Variants in USP34 observed in about 807,000 individuals in gnomAD.
The protein encoded by USP34 is ubiquitin specific peptidase 34, also known as ubiquitin carboxyl-terminal hydrolase 34.
In USP34, 70 loss-of-function variants were observed where a neutral mutation model predicts 460.3. The observed-to-expected ratio is 0.15, with a 90% CI of 0.13 to 0.19. The LOEUF (loss-of-function observed/expected upper bound fraction) is 0.19, where lower values mean the gene tolerates loss of function less well. USP34 is among the 10% of genes least tolerant of loss of function. USP34 has a pLI of 1.00. For synonymous variants in USP34, 1,647 were observed against 1,405.3 expected (o/e 1.17, Z -3.85); for missense variants, 3,985 against 4,236.2 (o/e 0.94, Z 1.65).
intron 48 of USP34, among the ~76,000 whole-genome samples, chr2:61,251,331 A>G (rs1572872343): frequency 6.6e-6 from 1 of 152,192 alleles, no homozygotes; most frequent in African/African-American, 2.4e-5. Context: ...AATAACACTG[A>G]TATTAAAATC....
intron 21 of USP34, among the ~76,000 whole-genome samples, 196 bp from the exon 22 acceptor site, chr2:61,319,523 C>G (rs1260180732): frequency 7.1e-6 from 1 of 141,056 alleles, no homozygotes; most frequent in Non-Finnish European, 1.5e-5. Flanking sequence ...TATGTTCCTA[C>G]AGCATATTTA....
chr2:61,459,208 T>G (rs750561714), intron 1 of USP34, among the ~76,000 whole-genome samples: 7 of 152,118 alleles, frequency 4.6e-5, no homozygotes, highest in Non-Finnish European at 8.8e-5. Context: ...TAAAAAAAGA[T>G]AGCTTGGTTA....
chr2:61,467,996 C>A (rs528898659), intron 1 of USP34, among the ~76,000 whole-genome samples: 1 of 151,946 alleles, frequency 6.6e-6, no homozygotes, highest in Non-Finnish European at 1.5e-5. Flanking sequence ...GGGAAAAGGG[C>A]AGACTTTATA....
intron 2 of USP34, among the ~76,000 whole-genome samples, chr2:61,411,482 A>G (rs563244791): frequency 3.3e-5 from 5 of 152,306 alleles, no homozygotes; most frequent in African/African-American, 4.8e-5. Context: ...TAACCCAACC[A>G]CCAGACTAAC....
At chr2:61,241,474 G>T in intron 53 of USP34, 86 bp downstream of exon 53, 2 of 935,960 alleles carry the variant, frequency 2.1e-6, no homozygotes, top group Non-Finnish European at 3.2e-6. Flanking sequence ...ATATCAACCT[G>T]TAGAACCTGT....
chr2:61,363,123 C>T (rs539079615), intron 10 of USP34, among the ~76,000 whole-genome samples: 16 of 152,250 alleles, frequency 1.1e-4, no homozygotes, highest in African/African-American at 3.6e-4. Flanking sequence ...TATAATTAAT[C>T]ACCAGGAAAA....
chr2:61,409,461 C>A (rs1191947404), intron 2 of USP34, among the ~76,000 whole-genome samples: 1 of 152,082 alleles, frequency 6.6e-6, no homozygotes, highest in Non-Finnish European at 1.5e-5. Flanking sequence ...TGTCTGTAAC[C>A]CCAGCACTTT....
Position 61,295,022 on chromosome 2 carries a change from C to T in USP34, c.4388G>A (p.Ser1463Asn). The T allele has an allele frequency of 6.2e-7, 1 of 1,610,968 alleles. No individual in the cohort carries two copies. ...ATCATCTGAATCTGGATAAAGATCA[C>T]TGTAACTTCCCTATGAGAAAGGCAA... ...RIRRESTGSY[S>N]DLYPDSDDSS... is the part of the protein sequence containing the mutation. The change falls in exon 32 of 80, where the codon AGT (serine) becomes AAT (asparagine). Residue 1463 changes from serine to asparagine, a missense_variant. By Grantham distance (46) the Ser-to-Asn change is conservative. Transcript: ENST00000398571.
chr2:61,246,985 T>A (rs1439936208), intron 49 of USP34, among the ~76,000 whole-genome samples: 2 of 151,912 alleles, frequency 1.3e-5, no homozygotes, highest in African/African-American at 4.8e-5. Flanking sequence ...GGTTTCCTTT[T>A]AAAAAAAAGG....
intron 3 of USP34, among the ~76,000 whole-genome samples, chr2:61,399,485 T>C (rs1693644456): frequency 6.6e-6 from 1 of 152,032 alleles, no homozygotes; most frequent in Non-Finnish European, 1.5e-5. Context: ...TAAAATGTTA[T>C]AATCTCATTT....
In USP34 at chr2:61,348,342, G is replaced by C; in HGVS notation, c.1813C>G (p.Pro605Ala). ...TCTTCTGACTGTACCTCACTGCCAG[G>C]GCTCCCAGCTGACTGGCTTGCGTGG... ...SSHASQSAGS[P>A]GSEVQSEDIA... Residue 605 changes from proline to alanine, a missense_variant, in exon 15 of 80, where the codon CCT becomes GCT. Around this residue, in one of 14 missense-constraint regions of USP34, gnomAD observed 716 missense variants for 626.2 expected, o/e 1.14. Coordinates refer to ENST00000398571, the MANE Select transcript of USP34 (RefSeq NM_014709.4). 1 of 1,614,014 alleles carries C rather than the reference G, an allele frequency of 6.2e-7. No individual in the cohort carries two copies. The highest frequency in any genetic ancestry group is 8.5e-7 in the Non-Finnish European group (1 of 1,180,024).
intron 1 of USP34, among the ~76,000 whole-genome samples, chr2:61,468,487 A>G (rs1242503722): frequency 6.6e-6 from 1 of 152,178 alleles, no homozygotes; most frequent in Non-Finnish European, 1.5e-5. Flanking sequence ...CTGGCCGTAA[A>G]TTTTTTTAAA....
intron 30 of USP34, 78 bp from the exon 31 acceptor site, chr2:61,295,368 C>A: frequency 6.9e-7 from 1 of 1,445,148 alleles, no homozygotes; most frequent in Non-Finnish European, 9.2e-7. Context: ...CAAACTGACA[C>A]TACATAAAAA....
At chr2:61,430,672 C>T (rs1258429312) in intron 1 of USP34, among the ~76,000 whole-genome samples, 1 of 152,156 alleles carries the variant, frequency 6.6e-6, no homozygotes, top group African/African-American at 2.4e-5. Flanking sequence ...TAATAGGTCT[C>T]ATGTGAATCT....
At chr2:61,223,398 T>C in intron 62 of USP34, 102 bp from the exon 63 acceptor site, 2 of 1,157,000 alleles carry the variant, frequency 1.7e-6, no homozygotes, top group Non-Finnish European at 1.2e-6. Flanking sequence ...TATAATTGTA[T>C]TAACCTGCCA....
chr2:61,431,222 T>A (rs539481769), intron 1 of USP34, among the ~76,000 whole-genome samples: 2 of 152,134 alleles, frequency 1.3e-5, no homozygotes, highest in African/African-American at 4.8e-5. Flanking sequence ...TGGAGCTTTA[T>A]CAGGTTTTTG....
intron 33 of USP34, among the ~76,000 whole-genome samples, chr2:61,291,873 A>C (rs1304860640): frequency 6.6e-6 from 1 of 152,210 alleles, no homozygotes; most frequent in Non-Finnish European, 1.5e-5. Flanking sequence ...TAAACATGTA[A>C]TATAATTATA....
intron 1 of USP34, among the ~76,000 whole-genome samples, chr2:61,443,938 C>T (rs142937542): frequency 2.2e-4 from 34 of 152,170 alleles, no homozygotes; most frequent in African/African-American, 7.7e-4. Flanking sequence ...ATATCTGCAC[C>T]TTATGCTCAA....
intron 53 of USP34, among the ~76,000 whole-genome samples, chr2:61,238,382 C>CT (rs1217723488): frequency 6.6e-6 from 1 of 152,152 alleles, no homozygotes; most frequent in African/African-American, 2.4e-5. Flanking sequence ...TACCTCTTCT[C>CT]TAACTCTCAA....
Sources: gnomAD v4.1 joint callset for allele counts (sites outside exome capture counted in the v4.1 genomes callset) on GRCh38, gnomAD v4.1.1 for gene constraint, gnomAD v4.1.1 regional missense constraint, MANE v1.5 for transcripts, NCBI Gene and HGNC (gene_info 2026-07-23, HGNC 2026-07-21) for gene names.